OPCML: variants seen among roughly 807,000 people sequenced by gnomAD.
OPCML encodes the protein opioid-binding protein/cell adhesion molecule.
Under a neutral mutation model 37.8 loss-of-function variants are expected in OPCML, and 13 were observed. The ratio of observed to expected loss-of-function variants is 0.34; its 90% CI spans 0.22 to 0.55. OPCML has a LOEUF of 0.55. Ranked by LOEUF, OPCML falls within the 20% of genes least tolerant of loss-of-function variation. OPCML has a pLI of 0.91. For missense variants in OPCML, 341 were observed against 435.6 expected (o/e 0.78, Z 1.93); for synonymous variants, 176 against 168.8 (o/e 1.04, Z -0.33).
At chr11:133,167,085 A>G (rs953944064) in intron 1 of OPCML, among the ~76,000 whole-genome samples, 1 of 152,196 alleles carries the variant, frequency 6.6e-6, no homozygotes, top group Non-Finnish European at 1.5e-5. Flanking sequence ...TTACAAGAGA[A>G]TGTCCTGAGA....
At chr11:133,394,863 G>A (rs1267194577) in intron 1 of OPCML, among the ~76,000 whole-genome samples, 1 of 152,130 alleles carries the variant, frequency 6.6e-6, no homozygotes, top group African/African-American at 2.4e-5. Context: ...TTGATGTACC[G>A]ATTTCCTTTC....
At chr11:132,458,220 G>A (rs2096088963) in intron 4 of OPCML, among the ~76,000 whole-genome samples, 1 of 152,158 alleles carries the variant, frequency 6.6e-6, no homozygotes. Flanking sequence ...ATGCATCAAA[G>A]AGCATGACGA....
chr11:132,994,585 G>A (rs1422462900), intron 1 of OPCML, among the ~76,000 whole-genome samples: 2 of 152,180 alleles, frequency 1.3e-5, no homozygotes, highest in Non-Finnish European at 2.9e-5. Context: ...CCTGTAAGCA[G>A]CGTTTGCAAT....
chr11:133,050,961 C>T (rs139302602), intron 1 of OPCML, among the ~76,000 whole-genome samples: 215 of 152,198 alleles, frequency 1.4e-3, no homozygotes, highest in African/African-American at 5.0e-3. Flanking sequence ...AACAGGTGCT[C>T]TCTGTCCCCA....
chr11:132,461,156 A>T (rs745720384), intron 4 of OPCML, among the ~76,000 whole-genome samples: 13 of 152,150 alleles, frequency 8.5e-5, no homozygotes, highest in Non-Finnish European at 1.5e-4. Flanking sequence ...CAAACAGCTC[A>T]TAAAACCCTT....
At chr11:133,215,419 A>T (rs1012380159) in intron 1 of OPCML, among the ~76,000 whole-genome samples, 1 of 152,212 alleles carries the variant, frequency 6.6e-6, no homozygotes, top group Non-Finnish European at 1.5e-5. Context: ...GGCAGCAGAT[A>T]TCATCTTCCT....
At chr11:132,504,322 G>A (rs1425658269) in intron 4 of OPCML, among the ~76,000 whole-genome samples, 1 of 151,604 alleles carries the variant, frequency 6.6e-6, no homozygotes, top group Non-Finnish European at 1.5e-5. Context: ...AGGCCGAGCA[G>A]CCATTAACAA....
intron 2 of OPCML, among the ~76,000 whole-genome samples, chr11:132,896,965 T>C (rs1322611450): frequency 6.6e-6 from 1 of 152,158 alleles, no homozygotes; most frequent in Non-Finnish European, 1.5e-5. Context: ...CCTATTTGAA[T>C]TTTGCAGGCA....
chr11:132,764,792 A>T (rs1269080735), intron 2 of OPCML, among the ~76,000 whole-genome samples: 1 of 152,154 alleles, frequency 6.6e-6, no homozygotes, highest in Admixed American at 6.5e-5. Flanking sequence ...GCTGACTAGT[A>T]AGAGTCTGCC....
intron 1 of OPCML, among the ~76,000 whole-genome samples, chr11:132,974,837 CTT>C (rs1274946419): frequency 6.6e-6 from 1 of 151,726 alleles, no homozygotes; most frequent in East Asian, 2.0e-4. Context: ...CCTGTTTTCT[CTT>C]TGTTTTCATT....
intron 1 of OPCML, among the ~76,000 whole-genome samples, chr11:133,129,594 A>C (rs1949573103): frequency 6.6e-6 from 1 of 152,170 alleles, no homozygotes; most frequent in Non-Finnish European, 1.5e-5. Context: ...TTTAGTTTAA[A>C]AAGTATCAGG....
At chr11:132,558,740 T>C (rs968713071) in intron 3 of OPCML, among the ~76,000 whole-genome samples, 3 of 151,786 alleles carry the variant, frequency 2.0e-5, no homozygotes, top group African/African-American at 7.3e-5. Flanking sequence ...CTAAATGGCA[T>C]AGCAGTGGCT....
chr11:133,456,785 A>C (rs1169960343), intron 1 of OPCML, among the ~76,000 whole-genome samples: 1 of 152,080 alleles, frequency 6.6e-6, no homozygotes, highest in Non-Finnish European at 1.5e-5. Flanking sequence ...CAGACCAAAA[A>C]AAAAAAAAAA....
chr11:133,006,912 G>T, intron 1 of OPCML: 1 of 985,456 alleles, frequency 1.0e-6, no homozygotes. Context: ...ACCTAGGCTG[G>T]TGTAGTGCTT....
intron 2 of OPCML, among the ~76,000 whole-genome samples, chr11:132,814,150 T>TTGAATA (rs1939499863): frequency 6.6e-6 from 1 of 152,180 alleles, no homozygotes; most frequent in South Asian, 2.1e-4. Context: ...TTCAAAATAC[T>TTGAATA]GTTGAATTCT....
At chr11:132,451,304 A>G (rs1160297320) in intron 4 of OPCML, among the ~76,000 whole-genome samples, 1 of 150,112 alleles carries the variant, frequency 6.7e-6, no homozygotes, top group African/African-American at 2.4e-5. Context: ...AGGAGTTATT[A>G]ATCGGGTATT....
intron 1 of OPCML, among the ~76,000 whole-genome samples, chr11:133,182,019 T>A (rs773192988): frequency 3.3e-5 from 5 of 151,206 alleles, no homozygotes; most frequent in Non-Finnish European, 4.4e-5. Flanking sequence ...CCCAAATACA[T>A]GCTCCTTGGG....
At chr11:132,804,187 G>A (rs1035764689) in intron 2 of OPCML, among the ~76,000 whole-genome samples, 2 of 152,044 alleles carry the variant, frequency 1.3e-5, no homozygotes, top group African/African-American at 4.8e-5. Flanking sequence ...CCACATTGCA[G>A]GAAGTCAGAG....
chr11:133,421,204 G>C, intron 1 of OPCML: 1 of 985,444 alleles, frequency 1.0e-6, no homozygotes, highest in Non-Finnish European at 1.2e-6. Context: ...AAGGGAAAGA[G>C]CAATGCGTTC....
Sources: allele counts gnomAD v4.1 joint callset (sites outside exome capture counted in the v4.1 genomes callset), GRCh38; gene constraint gnomAD v4.1.1; transcripts MANE v1.5; gene names NCBI Gene and HGNC (gene_info 2026-07-23, HGNC 2026-07-21).